The following DAB1 variants were observed in gnomAD, a reference collection of about 807,000 sequenced individuals.
DAB1 encodes the protein DAB adaptor protein 1, also known as disabled homolog 1.
In DAB1, 15 loss-of-function variants were observed where a neutral mutation model predicts 64.6. The ratio of observed to expected loss-of-function variants is 0.23; its 90% CI spans 0.16 to 0.36. The LOEUF is 0.36. Among genes scored for constraint, DAB1 ranks in the 10% least tolerant of loss-of-function variants. The pLI is 1.00. For synonymous variants in DAB1, 235 were observed against 251.9 expected (o/e 0.93, Z 0.64); for missense variants, 596 against 706.7 (o/e 0.84, Z 1.78).
intron 6 of DAB1, among the ~76,000 whole-genome samples, chr1:57,688,165 T>A (rs1410256100): frequency 6.6e-6 from 1 of 152,064 alleles, no homozygotes; most frequent in South Asian, 2.1e-4. Context: ...AAACTACACA[T>A]CTGACAAAGA....
chr1:57,279,352 T>G (rs1183782458), intron 2 of DAB1, among the ~76,000 whole-genome samples: 1 of 152,240 alleles, frequency 6.6e-6, no homozygotes, highest in Non-Finnish European at 1.5e-5. Context: ...GTAATAGCTA[T>G]TATACTTGCA....
chr1:57,004,327 C>A (rs761664192), intron 14 of DAB1, among the ~76,000 whole-genome samples: 5 of 152,190 alleles, frequency 3.3e-5, no homozygotes, highest in Admixed American at 6.5e-5. Context: ...TTACTTTCTG[C>A]CCATTTAATA....
intron 5 of DAB1, among the ~76,000 whole-genome samples, chr1:57,977,534 C>CCACT (rs1180871351): frequency 6.6e-6 from 1 of 152,154 alleles, no homozygotes; most frequent in African/African-American, 2.4e-5. Flanking sequence ...GCCGACTCTG[C>CCACT]CACTTACTAA....
chr1:57,016,281 G>A (rs1646428472), intron 11 of DAB1, among the ~76,000 whole-genome samples: 2 of 151,630 alleles, frequency 1.3e-5, no homozygotes, highest in Non-Finnish European at 2.9e-5. Flanking sequence ...TCCAATTTTA[G>A]AGAATAAAAA....
chr1:57,034,826 T>C (rs894359700), intron 9 of DAB1, among the ~76,000 whole-genome samples: 4 of 152,186 alleles, frequency 2.6e-5, no homozygotes. Flanking sequence ...CTATCACCCA[T>C]AGCCTCGTAG....
chr1:58,287,616 G>T (rs1334442861), intron 4 of DAB1, among the ~76,000 whole-genome samples: 6 of 152,078 alleles, frequency 3.9e-5, no homozygotes, highest in Non-Finnish European at 5.9e-5. Context: ...CTGCCTCAAG[G>T]GGCCTAATCA....
rs553995808 is a variant in DAB1, at chr1:57,396,302, T to C, written c.-137+27628A>G. Among the ~76,000 whole-genome samples the C allele has an allele frequency of 2.6e-5, 4 of 152,356 alleles. No individual in the cohort carries two copies. In the East Asian group the frequency reaches 7.7e-4, roughly 29 times the overall value. On this transcript the variant is annotated intron_variant, in intron 1 of 14. Transcript: ENST00000371236. ...CATGCCAAACAAGCCAGAGTGGAGA[T>C]CCATAACTATCATGAAGCACGTTTC...
intron 14 of DAB1, among the ~76,000 whole-genome samples, chr1:57,007,694 T>C (rs1375046505): frequency 6.6e-6 from 1 of 152,194 alleles, no homozygotes; most frequent in Non-Finnish European, 1.5e-5. Context: ...ACTGTGCAGG[T>C]ATTTCTAATA....
chr1:58,363,363 T>A (rs533196614), intron 3 of DAB1, among the ~76,000 whole-genome samples: 1 of 152,222 alleles, frequency 6.6e-6, no homozygotes, highest in African/African-American at 2.4e-5. Flanking sequence ...AGATTTTACC[T>A]GTCAGATTAT....
intron 4 of DAB1, among the ~76,000 whole-genome samples, chr1:58,213,518 G>A (rs997664458): frequency 3.9e-5 from 6 of 152,034 alleles, no homozygotes; most frequent in Admixed American, 3.3e-4. Context: ...AGGCCGGGAA[G>A]AGCCCCTTAT....
chr1:58,364,122 C>T (rs1433139700), intron 3 of DAB1, among the ~76,000 whole-genome samples: 1 of 152,192 alleles, frequency 6.6e-6, no homozygotes, highest in East Asian at 1.9e-4. Context: ...AAGCTACTGC[C>T]TCCCAACCCC....
At chr1:57,313,656 G>T (rs1312962475) in intron 1 of DAB1, among the ~76,000 whole-genome samples, 1 of 152,212 alleles carries the variant, frequency 6.6e-6, no homozygotes, top group Non-Finnish European at 1.5e-5. Flanking sequence ...CACCACGCCT[G>T]TTCCAGCAGA....
intron 2 of DAB1, among the ~76,000 whole-genome samples, chr1:57,285,073 G>A (rs1469695999): frequency 6.6e-6 from 1 of 152,126 alleles, no homozygotes; most frequent in Non-Finnish European, 1.5e-5. Context: ...TGATCCCTGG[G>A]TATAGCACTA....
chr1:57,877,561 T>A lies in DAB1; in HGVS notation n.87+6438A>T, dbSNP rs1315407469. Among the ~76,000 whole-genome samples, 2 of 21,200 alleles carry A rather than the reference T, an allele frequency of 9.4e-5. 1 individual carries two copies. Among genetic ancestry groups the A allele is most frequent in the Non-Finnish European group, 1.8e-4 (2 of 11,216 alleles). The allele number at this position is 21,200 out of a possible 152,430, so 13.9% of individuals were successfully genotyped here. On this transcript the variant is annotated intron_variant and non_coding_transcript_variant, in intron 1 of 1. Coordinates refer to the DAB1 transcript ENST00000477280. The stretch of plus-strand genomic sequence containing the variant: ...AATTGATTTATTTTTTTTTTTTTTT[T>A]TTTTTTTTTTGAGACGGAGTCTCGC...
At chr1:58,059,320 C>T (rs1444028507) in intron 5 of DAB1, among the ~76,000 whole-genome samples, 1 of 152,208 alleles carries the variant, frequency 6.6e-6, no homozygotes, top group African/African-American at 2.4e-5. Context: ...ACCCATGTAC[C>T]TCAGTTTCTT....
At chr1:57,592,917 C>T (rs11207070) in intron 7 of DAB1, among the ~76,000 whole-genome samples, 46,310 of 151,916 alleles carry the variant, frequency 0.3, 7,066 homozygotes, top group East Asian at 0.33. Context: ...TTTAACCTTA[C>T]TTGCCTCCTA....
At chr1:58,075,391 C>T (rs1354199717) in intron 5 of DAB1, among the ~76,000 whole-genome samples, 1 of 152,186 alleles carries the variant, frequency 6.6e-6, no homozygotes, top group East Asian at 1.9e-4. Context: ...CAATCTGTGT[C>T]ACTTCCAAGT....
At chr1:58,003,367 G>A (rs1310638561) in intron 5 of DAB1, among the ~76,000 whole-genome samples, 1 of 152,164 alleles carries the variant, frequency 6.6e-6, no homozygotes, top group African/African-American at 2.4e-5. Flanking sequence ...CAATTTTATG[G>A]AAATCCAACT....
At position 58,164,494 on chromosome 1, in the gene DAB1, C is replaced by T. The variant is rs572482365; in HGVS notation, n.310-13906G>A. The stretch of plus-strand genomic sequence containing the variant: ...TCAGAACAGGCATTTAATGCAAAGG[C>T]TTTTCCAGTCGGCTCTGATTTTTCA... On this transcript the variant is annotated intron_variant and non_coding_transcript_variant, in intron 4 of 20. Transcript: ENST00000485760. Among the ~76,000 whole-genome samples, 27 of 152,274 alleles carry T rather than the reference C, an allele frequency of 1.8e-4. 1 individual carries two copies. The South Asian group carries it at 4.3e-3, about 25-fold the overall frequency.
Sources: allele counts gnomAD v4.1 joint callset (sites outside exome capture counted in the v4.1 genomes callset), GRCh38; gene constraint gnomAD v4.1.1; transcripts MANE v1.5; gene names NCBI Gene and HGNC (gene_info 2026-07-23, HGNC 2026-07-21).